Variants in LRRC4C observed in about 807,000 individuals in gnomAD.
LRRC4C encodes the protein leucine rich repeat containing 4C.
LRRC4C carries 5 observed loss-of-function variants against 33.6 expected under a neutral mutation model. That is an observed-to-expected ratio of 0.15 (90% CI 0.08 to 0.31). LRRC4C has a LOEUF of 0.31. LRRC4C is among the 10% of genes least tolerant of loss of function. The pLI is 1.00. For synonymous variants in LRRC4C, 329 were observed against 302.0 expected (o/e 1.09, Z -0.93); for missense variants, 560 against 796.7 (o/e 0.70, Z 3.58).
chr11:41,444,587 G>C (rs1215071849), intron 1 of LRRC4C, among the ~76,000 whole-genome samples: 2 of 152,152 alleles, frequency 1.3e-5, no homozygotes, highest in African/African-American at 4.8e-5. Flanking sequence ...AGACAAAGAT[G>C]TGTCTTGCAA....
chr11:40,654,463 T>C (rs1175187458), intron 2 of LRRC4C, among the ~76,000 whole-genome samples: 3 of 152,216 alleles, frequency 2.0e-5, no homozygotes, highest in Non-Finnish European at 1.5e-5. Flanking sequence ...TAAGGTTTAA[T>C]TCCTGCCCTG....
At chr11:41,166,198 G>A (rs1944719467) in intron 1 of LRRC4C, among the ~76,000 whole-genome samples, 1 of 151,702 alleles carries the variant, frequency 6.6e-6, no homozygotes, top group Non-Finnish European at 1.5e-5. Flanking sequence ...TGCATATTAA[G>A]TTTTCAGCAC....
At chr11:40,921,262 G>A (rs985756153) in intron 2 of LRRC4C, among the ~76,000 whole-genome samples, 3 of 152,168 alleles carry the variant, frequency 2.0e-5, no homozygotes, top group African/African-American at 7.2e-5. Context: ...AGGCAGAAAA[G>A]TGGGTCAGAG....
intron 3 of LRRC4C, among the ~76,000 whole-genome samples, chr11:40,575,496 T>C (rs1334239224): frequency 6.6e-6 from 1 of 152,174 alleles, no homozygotes; most frequent in Non-Finnish European, 1.5e-5. Flanking sequence ...TCTATCACCC[T>C]ACTTTTAAAA....
At chr11:40,989,011 C>T (rs556826471) in intron 1 of LRRC4C, among the ~76,000 whole-genome samples, 1 of 152,154 alleles carries the variant, frequency 6.6e-6, no homozygotes, top group South Asian at 2.1e-4. Flanking sequence ...TGAGCCACCG[C>T]GCCTGGCCTC....
At chr11:40,204,981 G>T (rs1863039387) in intron 5 of LRRC4C, among the ~76,000 whole-genome samples, 1 of 152,194 alleles carries the variant, frequency 6.6e-6, no homozygotes, top group African/African-American at 2.4e-5. Flanking sequence ...AGCACAATCT[G>T]TCTCACTAGG....
intron 3 of LRRC4C, among the ~76,000 whole-genome samples, chr11:40,434,122 G>T (rs1158090606): frequency 2.0e-5 from 3 of 152,024 alleles, no homozygotes; most frequent in Non-Finnish European, 4.4e-5. Context: ...TTATTTGTTT[G>T]GGTTCTGTCT....
intron 2 of LRRC4C, among the ~76,000 whole-genome samples, chr11:40,677,808 T>C (rs576195247): frequency 1.3e-5 from 2 of 152,300 alleles, no homozygotes; most frequent in South Asian, 2.1e-4. Flanking sequence ...TTGGGGTGAT[T>C]ACAAGGACAT....
chr11:40,364,649 A>C (rs1948126737), intron 3 of LRRC4C, among the ~76,000 whole-genome samples: 1 of 146,344 alleles, frequency 6.8e-6, no homozygotes. Context: ...GTTTGTTAAA[A>C]ACAATGACCA....
At chr11:40,441,055 C>G (rs554180218) in intron 3 of LRRC4C, among the ~76,000 whole-genome samples, 1 of 152,272 alleles carries the variant, frequency 6.6e-6, no homozygotes, top group East Asian at 1.9e-4. Context: ...TTGATAACTT[C>G]TGAAGATTGT....
intron 1 of LRRC4C, among the ~76,000 whole-genome samples, chr11:41,112,085 G>A (rs1941865244): frequency 6.6e-6 from 1 of 151,956 alleles, no homozygotes; most frequent in African/African-American, 2.4e-5. Flanking sequence ...AAGTTCATCA[G>A]ACAAGGTTAA....
intron 1 of LRRC4C, among the ~76,000 whole-genome samples, chr11:41,457,547 C>T (rs1956208829): frequency 6.6e-6 from 1 of 151,946 alleles, no homozygotes; most frequent in East Asian, 1.9e-4. Context: ...TTTTATGAAC[C>T]TCAGATTGTT....
intron 1 of LRRC4C, among the ~76,000 whole-genome samples, chr11:41,362,055 G>A (rs759128788): frequency 3.3e-5 from 5 of 152,080 alleles, no homozygotes; most frequent in Non-Finnish European, 5.9e-5. Context: ...AGAAAGTTTG[G>A]AGATGCAGTT....
chr11:40,426,810 T>C (rs1565376439), intron 3 of LRRC4C, among the ~76,000 whole-genome samples: 1 of 152,170 alleles, frequency 6.6e-6, no homozygotes, highest in Admixed American at 6.5e-5. Flanking sequence ...ATAAGGAATG[T>C]TTTAAATTTC....
At chr11:41,293,862 G>T (rs1447466601) in intron 1 of LRRC4C, among the ~76,000 whole-genome samples, 1 of 152,132 alleles carries the variant, frequency 6.6e-6, no homozygotes, top group Admixed American at 6.5e-5. Context: ...CTCCCAACAT[G>T]CAGGGATTAC....
intron 1 of LRRC4C, among the ~76,000 whole-genome samples, chr11:41,302,511 T>C (rs1950315065): frequency 6.6e-6 from 1 of 152,198 alleles, no homozygotes; most frequent in South Asian, 2.1e-4. Context: ...TTGGATCAAA[T>C]ACAAACTTTG....
At chr11:41,421,810 C>T (rs187231351) in intron 1 of LRRC4C, among the ~76,000 whole-genome samples, 3 of 152,036 alleles carry the variant, frequency 2.0e-5, no homozygotes, top group South Asian at 2.1e-4. Context: ...GCATCATTGT[C>T]GATCCGGGAA....
chr11:40,928,747 A>G (rs182721579), intron 2 of LRRC4C, among the ~76,000 whole-genome samples: 1 of 152,294 alleles, frequency 6.6e-6, no homozygotes, highest in Admixed American at 6.5e-5. Flanking sequence ...AAAATCTTTG[A>G]CCTATGAATA....
intron 2 of LRRC4C, among the ~76,000 whole-genome samples, chr11:40,709,669 G>C (rs1008403884): frequency 1.3e-5 from 2 of 152,002 alleles, no homozygotes; most frequent in African/African-American, 2.4e-5. Flanking sequence ...TGGTGAATCT[G>C]ACAATTATGT....
Sources: gnomAD v4.1 joint callset for allele counts (sites outside exome capture counted in the v4.1 genomes callset) on GRCh38, gnomAD v4.1.1 for gene constraint, MANE v1.5 for transcripts, NCBI Gene and HGNC (gene_info 2026-07-23, HGNC 2026-07-21) for gene names.